The following ANKS1B variants were observed in gnomAD, a reference collection of about 807,000 sequenced individuals.
The protein encoded by ANKS1B is ankyrin repeat and sterile alpha motif domain containing 1B, also known as ankyrin repeat and sterile alpha motif domain-containing protein 1B.
ANKS1B carries 36 observed loss-of-function variants against 148.3 expected under a neutral mutation model. The observed-to-expected ratio is 0.24, with a 90% CI of 0.19 to 0.32. The LOEUF (loss-of-function observed/expected upper bound fraction) is 0.32. Among genes scored for constraint, ANKS1B ranks in the 10% least tolerant of loss-of-function variants. The probability of loss-of-function intolerance (pLI) is 1.00; values close to 1 mark genes in which losing one functional copy is unlikely to be tolerated. For missense variants in ANKS1B, 1,157 were observed against 1,542.6 expected, an observed-to-expected ratio of 0.75 and a Z score of 4.19; for synonymous variants, 542 against 560.8, an observed-to-expected ratio of 0.97 and a Z score of 0.47.
intron 16 of ANKS1B, among the ~76,000 whole-genome samples, chr12:99,076,232 C>G (rs1181131890): frequency 3.3e-5 from 5 of 151,984 alleles, no homozygotes; most frequent in African/African-American, 1.2e-4. Context: ...CAAACCCAGA[C>G]GAGGGTTGAC....
At chr12:99,582,703 C>CA (rs1411927404) in intron 9 of ANKS1B, among the ~76,000 whole-genome samples, 1 of 152,064 alleles carries the variant, frequency 6.6e-6, no homozygotes, top group Non-Finnish European at 1.5e-5. Context: ...GGATTGATTG[C>CA]AAAGGTAAAT....
At chr12:99,162,980 C>T (rs1322290190) in intron 14 of ANKS1B, among the ~76,000 whole-genome samples, 8 of 152,052 alleles carry the variant, frequency 5.3e-5, no homozygotes, top group Non-Finnish European at 1.5e-5. Context: ...ATCACTTGAA[C>T]CCAGGAGGTG....
At chr12:99,652,364 T>C (rs1191499860) in intron 9 of ANKS1B, among the ~76,000 whole-genome samples, 2 of 151,890 alleles carry the variant, frequency 1.3e-5, no homozygotes, top group Non-Finnish European at 2.9e-5. Context: ...TCCCAGCTAC[T>C]CAGGAAGCTG....
At chr12:99,095,587 C>G (rs142028796) in intron 15 of ANKS1B, among the ~76,000 whole-genome samples, 89 of 152,304 alleles carry the variant, frequency 5.8e-4, no homozygotes, top group Middle Eastern at 6.8e-3. Context: ...TTATTTAAAG[C>G]TCTCTCCATC....
intron 15 of ANKS1B, among the ~76,000 whole-genome samples, chr12:99,106,843 A>T (rs2153691340): frequency 6.6e-6 from 1 of 152,350 alleles, no homozygotes; most frequent in East Asian, 1.9e-4. Context: ...AGTCAGAATC[A>T]TGATTTATAT....
intron 3 of ANKS1B, 114 bp from the exon 4 acceptor site, chr12:99,806,814 A>G: frequency 9.5e-7 from 1 of 1,053,256 alleles, no homozygotes; most frequent in Non-Finnish European, 1.3e-6. Context: ...AGATTTATCC[A>G]TTTTAACAAG....
intron 19 of ANKS1B, among the ~76,000 whole-genome samples, chr12:98,816,727 A>T (rs527691305): frequency 6.6e-6 from 1 of 152,224 alleles, no homozygotes; most frequent in Non-Finnish European, 1.5e-5. Flanking sequence ...GTAGGGATCA[A>T]TCTTGCTTTT....
intron 8 of ANKS1B, among the ~76,000 whole-genome samples, chr12:99,669,820 A>C (rs1348495394): frequency 6.6e-6 from 1 of 151,876 alleles, no homozygotes; most frequent in Non-Finnish European, 1.5e-5. Flanking sequence ...CCCCAACTCT[A>C]GTTTCTGTAC....
At chr12:99,237,883 C>T (rs1398884902) in intron 14 of ANKS1B, among the ~76,000 whole-genome samples, 1 of 152,206 alleles carries the variant, frequency 6.6e-6, no homozygotes, top group African/African-American at 2.4e-5. Context: ...TCCCGAGTAC[C>T]TGGGACTACA....
chr12:99,710,964 C>T (rs1269843491), intron 8 of ANKS1B, among the ~76,000 whole-genome samples: 1 of 152,034 alleles, frequency 6.6e-6, no homozygotes, highest in Non-Finnish European at 1.5e-5. Flanking sequence ...CTCAACTCCT[C>T]CTATCACCCA....
intron 17 of ANKS1B, among the ~76,000 whole-genome samples, chr12:98,942,207 C>T (rs1291894945): frequency 1.3e-5 from 2 of 149,366 alleles, no homozygotes; most frequent in South Asian, 2.2e-4. Flanking sequence ...CGCCACTGTA[C>T]TCCAGCCTGG....
intron 6 of ANKS1B, among the ~76,000 whole-genome samples, chr12:99,778,856 G>T (rs982264247): frequency 6.6e-6 from 1 of 152,112 alleles, no homozygotes; most frequent in Non-Finnish European, 1.5e-5. Flanking sequence ...GTATCTACAT[G>T]TTCCCTGCCT....
At chr12:99,249,390 A>G (rs912877877) in intron 12 of ANKS1B, among the ~76,000 whole-genome samples, 1 of 152,204 alleles carries the variant, frequency 6.6e-6, no homozygotes, top group Non-Finnish European at 1.5e-5. Context: ...CAATGACTAT[A>G]ATTACCACCC....
At chr12:99,017,885 C>T (rs546096628) in intron 17 of ANKS1B, among the ~76,000 whole-genome samples, 1 of 152,280 alleles carries the variant, frequency 6.6e-6, no homozygotes, top group Non-Finnish European at 1.5e-5. Context: ...GGAGGTTGAA[C>T]TAGTCTCACT....
chr12:99,697,527 A>C (rs1218498665), intron 8 of ANKS1B, among the ~76,000 whole-genome samples: 1 of 152,168 alleles, frequency 6.6e-6, no homozygotes, highest in Admixed American at 6.6e-5. Context: ...TGACATTCTG[A>C]AAAGGCAAAA....
intron 15 of ANKS1B, among the ~76,000 whole-genome samples, chr12:99,085,977 C>T (rs975568487): frequency 3.9e-5 from 6 of 152,086 alleles, no homozygotes; most frequent in African/African-American, 1.2e-4. Flanking sequence ...AGTTTACCTA[C>T]GTAACAAACT....
At chr12:99,715,231 C>A (rs572322126) in intron 8 of ANKS1B, among the ~76,000 whole-genome samples, 1 of 152,178 alleles carries the variant, frequency 6.6e-6, no homozygotes, top group African/African-American at 2.4e-5. Flanking sequence ...GTAACCTGCA[C>A]GTACACATCC....
intron 17 of ANKS1B, among the ~76,000 whole-genome samples, chr12:99,037,951 G>A (rs1273295963): frequency 6.6e-6 from 1 of 152,158 alleles, no homozygotes; most frequent in African/African-American, 2.4e-5. Flanking sequence ...GGTGTGTGGT[G>A]GTAGAGAAAG....
intron 9 of ANKS1B, chr12:99,648,132 G>T (rs779843101): frequency 2.0e-5 from 31 of 1,582,326 alleles, no homozygotes; most frequent in Non-Finnish European, 2.7e-5. Context: ...GTTAAGGAAG[G>T]TGTGGAGCAG....
Sources: gnomAD v4.1 joint callset for allele counts (sites outside exome capture counted in the v4.1 genomes callset) on GRCh38, gnomAD v4.1.1 for gene constraint, MANE v1.5 for transcripts, NCBI Gene and HGNC (gene_info 2026-07-23, HGNC 2026-07-21) for gene names.